Variants in ADSL observed in about 807,000 individuals in gnomAD.
The protein encoded by ADSL is adenylosuccinase.
In ADSL, 44 loss-of-function variants were observed where a neutral mutation model predicts 62.1. That is an observed-to-expected ratio of 0.71 (90% CI 0.56 to 0.91). ADSL has a LOEUF of 0.91. Ranked by LOEUF, ADSL falls within the 40% of genes least tolerant of loss-of-function variation. The pLI, the probability that ADSL is intolerant of heterozygous loss-of-function variation, is 0.00. For missense variants in ADSL, 531 were observed against 627.4 expected (o/e 0.85, Z 1.64); for synonymous variants, 198 against 220.5 (o/e 0.90, Z 0.90).
intron 4 of ADSL, among the ~76,000 whole-genome samples, chr22:40,354,805 G>C (rs1430744007): frequency 1.3e-5 from 2 of 151,386 alleles, no homozygotes; most frequent in African/African-American, 4.9e-5. Context: ...GGACGCGGAG[G>C]TTGCAGTGAG....
intron 3 of ADSL, chr22:40,353,816 C>T (rs1003866819): frequency 1.4e-4 from 39 of 272,852 alleles, no homozygotes; most frequent in Non-Finnish European, 2.3e-4. Context: ...TTAGTAGAGA[C>T]GGGGTTTCAC....
At chr22:40,381,253 T>C (rs2047525753) in intron 2 of ADSL, among the ~76,000 whole-genome samples, 1 of 151,958 alleles carries the variant, frequency 6.6e-6, no homozygotes, top group Admixed American at 6.6e-5. Flanking sequence ...GCTCAGGCAG[T>C]CCTCCCACCT....
rs780794164 is a variant in ADSL at position 40,362,972 on chromosome 22, G to C, written c.1011-9G>C. ...TTAAAGACATACTGAATGGCTATTT[G>C]TTTTCTAGACGGATCTGTTTGGCCG... On this transcript the variant is annotated splice_polypyrimidine_tract_variant and intron_variant, in intron 9 of 12. Transcript: ENST00000623063. The C allele has an allele frequency of 1.6e-5, 26 of 1,610,904 alleles. No homozygotes were observed. The highest frequency in any genetic ancestry group is 2.2e-5 in the Non-Finnish European group (26 of 1,177,160).
intron 4 of ADSL, among the ~76,000 whole-genome samples, 174 bp downstream of exon 4, chr22:40,354,501 C>T (rs947162672): frequency 1.3e-5 from 2 of 152,044 alleles, no homozygotes. Flanking sequence ...GTAAATCTAA[C>T]AGTTCATTTG....
intron 4 of ADSL, among the ~76,000 whole-genome samples, 192 bp from the exon 5 acceptor site, chr22:40,358,672 A>G (rs919772304): frequency 6.6e-6 from 1 of 152,216 alleles, no homozygotes; most frequent in Admixed American, 6.5e-5. Flanking sequence ...CTATTTGTAA[A>G]TGACATTGAA....
rs1282714054 is a variant in ADSL at position 40,377,669 on chromosome 22, C to G, written c.89+11171C>G. ...TGGGCAACATAATGGGAACCTGTCT[C>G]TACAAAAAAAAACTTTAAAAATTAT... On this transcript the variant is annotated intron_variant, in intron 2 of 2. Transcript: ENST00000498234. Among the ~76,000 whole-genome samples the G allele has an allele frequency of 2.0e-5, 3 of 151,600 alleles. No individual in the cohort carries two copies. In the East Asian group the frequency reaches 5.8e-4, roughly 29 times the overall value.
At chr22:40,360,061 C>A (rs1156770046) in intron 6 of ADSL, among the ~76,000 whole-genome samples, 1 of 152,084 alleles carries the variant, frequency 6.6e-6, no homozygotes, top group Non-Finnish European at 1.5e-5. Context: ...CACCATGTAT[C>A]CTTCTTGAGT....
At chr22:40,364,428 C>G (rs888495964) in intron 11 of ADSL, 63 bp downstream of exon 11, 2 of 1,393,018 alleles carry the variant, frequency 1.4e-6, no homozygotes, top group African/African-American at 2.8e-5. Flanking sequence ...CTCTCTTCTC[C>G]GTGAAGGAGA....
At position 40,366,878 on chromosome 22, in the gene ADSL, A is replaced by G; in HGVS notation, c.*356A>G. 1 of 311,684 alleles carries G rather than the reference A, an allele frequency of 3.2e-6. No homozygotes were observed. The highest frequency in any genetic ancestry group is 6.2e-6 in the Non-Finnish European group (1 of 162,166). The allele number at this position is 311,684 out of a possible 1,614,324, so 19.3% of individuals were successfully genotyped here. On this transcript the variant is annotated 3_prime_UTR_variant, in exon 13 of 13. Transcript: ENST00000623063. ...AAGTGAATTTGATCTAGGTCTAGCA[A>G]AATAACCTGGACTCAGTGATTGAGT...
intron 4 of ADSL, among the ~76,000 whole-genome samples, chr22:40,355,136 G>C (rs907565439): frequency 2.0e-5 from 3 of 152,060 alleles, no homozygotes; most frequent in African/African-American, 7.2e-5. Context: ...TCTACTTTTT[G>C]AGTTTTGTTT....
At position 40,353,466 on chromosome 22, in the gene ADSL, GT is replaced by G. The variant is rs2044426802; in HGVS notation, c.402+350del. 3 of 697,102 alleles carry G rather than the reference GT, an allele frequency of 4.3e-6. No homozygotes were observed. In the East Asian group the frequency reaches 8.1e-5, roughly 19 times the overall value. 43.2% of individuals were successfully genotyped at this position (697,102 alleles called of 1,614,324 possible). On this transcript the variant is annotated intron_variant, in intron 3 of 12. Coordinates refer to ENST00000623063, the MANE Select transcript of ADSL (RefSeq NM_000026.4). The stretch of plus-strand genomic sequence containing the variant: ...TGCCACCTCACCTGGCTAATTTTCT[GT>G]AGAAATGGTTTTTGCCATGTTGCCC...
chr22:40,382,317 A>G (rs774273115), intron 2 of ADSL, among the ~76,000 whole-genome samples: 80 of 152,134 alleles, frequency 5.3e-4, no homozygotes, highest in Non-Finnish European at 9.6e-4. Context: ...TTTTATTACT[A>G]TCTCTTGCTG....
At chr22:40,354,934 C>G (rs947989723) in intron 4 of ADSL, among the ~76,000 whole-genome samples, 17 of 151,662 alleles carry the variant, frequency 1.1e-4, no homozygotes, top group South Asian at 4.2e-4. Flanking sequence ...GCATAGTATT[C>G]ATACATCCAT....
Position 40,366,803 on chromosome 22 carries a change from G to C in ADSL, c.*281G>C, listed in dbSNP as rs1010938460. 2 of 386,210 alleles carry C rather than the reference G, an allele frequency of 5.2e-6. No homozygotes were observed. Among genetic ancestry groups the C allele is most frequent in the Non-Finnish European group, 9.7e-6 (2 of 205,738 alleles). 23.9% of individuals were successfully genotyped at this position (386,210 alleles called of 1,614,324 possible). A position where few individuals can be genotyped will look rare whatever the true frequency, so the allele number is the denominator to read the frequency against. On this transcript the variant is annotated 3_prime_UTR_variant, in exon 13 of 13. Transcript: ENST00000623063. ...CTGCCTCAAGTTTAGTCCTTTTCAC[G>C]TGTTCATTTGCTTGTAAAGTAGCAA...
chr22:40,361,225 C>T lies in ADSL; in HGVS notation c.793-48C>T, dbSNP rs757212704. 3.2e-6 allele frequency: 5 copies of T among 1,568,542 alleles called. No homozygotes were observed. The African/African-American group carries it at 4.1e-5, about 13-fold the overall frequency. On this transcript the variant is annotated intron_variant, in intron 7 of 12. Transcript: ENST00000623063. ...GCCTAGTCACAGCTCCCAGACTCTA[C>T]TGCACACTGACAGTGTGGGGTGATG...
At chr22:40,363,758 T>C (rs900557248) in intron 10 of ADSL, among the ~76,000 whole-genome samples, 1 of 151,280 alleles carries the variant, frequency 6.6e-6, no homozygotes, top group African/African-American at 2.4e-5. Context: ...AAAAACCTCT[T>C]CCTATGTGGC....
intron 2 of ADSL, among the ~76,000 whole-genome samples, chr22:40,383,466 CAA>C (rs534039238): frequency 7.0e-4 from 61 of 87,342 alleles, no homozygotes; most frequent in Admixed American, 1.2e-3. Context: ...GACTCTGTCT[CAA>C]AAAAAAAAAA....
chr22:40,353,132 G>A lies in ADSL; in HGVS notation c.402+15G>A, dbSNP rs1436558703. On this transcript the variant is annotated intron_variant, in intron 3 of 12. Coordinates refer to ENST00000623063, the MANE Select transcript of ADSL (RefSeq NM_000026.4). Reference sequence around the variant, plus strand: ...TTTTGCCAAAGGTAAGGAGTTGGCAGATGTTTCCTACCAACCCTAGATTCC... The same window carrying A: ...TTTTGCCAAAGGTAAGGAGTTGGCAAATGTTTCCTACCAACCCTAGATTCC... 10 of 1,609,856 alleles carry A rather than the reference G, an allele frequency of 6.2e-6. No homozygotes were observed. Among genetic ancestry groups the A allele is most frequent in the Non-Finnish European group, 8.5e-6 (10 of 1,176,102 alleles).
In ADSL at chr22:40,358,153, TA is replaced by T. The variant is rs2044636560; in HGVS notation, c.483-710del. 3.9e-5 allele frequency among the ~76,000 whole-genome samples: 6 copies of T among 152,344 alleles called. No homozygotes were observed. The South Asian group carries it at 1.0e-3, about 26-fold the overall frequency. ...CACTGGACAAGGACCCTGTCTGTGT[TA>T]TTCCTTGTTGTATTTCCAATAGTAA... On this transcript the variant is annotated intron_variant, in intron 4 of 12. Transcript: ENST00000623063.
Sources: allele counts gnomAD v4.1 joint callset (sites outside exome capture counted in the v4.1 genomes callset), GRCh38; gene constraint gnomAD v4.1.1; transcripts MANE v1.5; gene names NCBI Gene and HGNC (gene_info 2026-07-23, HGNC 2026-07-21).